Variants in SYCP2 observed in about 807,000 individuals in gnomAD.
SYCP2 encodes the protein synaptonemal complex protein 2, also known as synaptonemal complex lateral element protein.
Under a neutral mutation model 211.3 loss-of-function variants are expected in SYCP2, and 55 were observed. The ratio of observed to expected loss-of-function variants is 0.26; its 90% CI spans 0.21 to 0.33. The LOEUF (loss-of-function observed/expected upper bound fraction) is 0.33. Among genes scored for constraint, SYCP2 ranks in the 10% least tolerant of loss-of-function variants. The probability of loss-of-function intolerance (pLI) is 1.00; values close to 1 mark genes in which losing one functional copy is unlikely to be tolerated. For missense variants in SYCP2, 1,731 were observed against 1,752.0 expected (o/e 0.99, Z 0.21); for synonymous variants, 570 against 555.2 (o/e 1.03, Z -0.37).
At chr20:59,877,887 G>A in intron 32 of SYCP2, 121 bp downstream of exon 32, 1 of 750,348 alleles carries the variant, frequency 1.3e-6, no homozygotes, top group Non-Finnish European at 2.2e-6. Flanking sequence ...GCAAAAGAAG[G>A]AAGAGGTACA....
chr20:59,865,073 T>C, intron 44 of SYCP2, among the ~76,000 whole-genome samples: 1 of 152,012 alleles, frequency 6.6e-6, no homozygotes, highest in East Asian at 1.9e-4. Flanking sequence ...TATTTTCTCC[T>C]TCAGAAGACA....
At chr20:59,898,237 A>G (rs1191686168) in intron 18 of SYCP2, among the ~76,000 whole-genome samples, 1 of 152,254 alleles carries the variant, frequency 6.6e-6, no homozygotes. Context: ...CGAAAGGATT[A>G]TAAATCATTC....
chr20:59,884,364 C>A (rs1168381901), intron 26 of SYCP2, among the ~76,000 whole-genome samples: 1 of 151,714 alleles, frequency 6.6e-6, no homozygotes, highest in African/African-American at 2.4e-5. Flanking sequence ...ATATATTCAA[C>A]CAGATCTCAA....
intron 14 of SYCP2, among the ~76,000 whole-genome samples, 166 bp from the exon 15 acceptor site, chr20:59,907,590 C>T (rs906040207): frequency 6.6e-6 from 1 of 152,104 alleles, no homozygotes; most frequent in Non-Finnish European, 1.5e-5. Context: ...ACATATTACA[C>T]ATGTTATATT....
chr20:59,902,580 A>C (rs1418208159), intron 15 of SYCP2, among the ~76,000 whole-genome samples: 3 of 152,102 alleles, frequency 2.0e-5, no homozygotes, highest in African/African-American at 7.2e-5. Flanking sequence ...AAAGTAGGGA[A>C]ATTTATCTCT....
At chr20:59,930,714 T>C (rs1328125595) in intron 2 of SYCP2, among the ~76,000 whole-genome samples, 1 of 150,852 alleles carries the variant, frequency 6.6e-6, no homozygotes, top group Non-Finnish European at 1.5e-5. Flanking sequence ...AAATGTATTG[T>C]TATAATATTT....
At chr20:59,900,706 T>A in intron 17 of SYCP2, 38 bp downstream of exon 17, 1 of 1,523,558 alleles carries the variant, frequency 6.6e-7, no homozygotes. Flanking sequence ...TGGTTAAACT[T>A]AGCCCAGTGA....
At chr20:59,914,391 T>C (rs2060391924) in intron 10 of SYCP2, 140 bp from the exon 11 acceptor site, 3 of 446,550 alleles carry the variant, frequency 6.7e-6, no homozygotes, top group Non-Finnish European at 7.7e-6. Flanking sequence ...AATATTTTCT[T>C]CATATGGATT....
chr20:59,929,494 TGTCA>T (rs1008465035), intron 2 of SYCP2, among the ~76,000 whole-genome samples: 1 of 152,172 alleles, frequency 6.6e-6, no homozygotes, highest in African/African-American at 2.4e-5. Context: ...AAACTGCCTC[TGTCA>T]GTGTGTTGGG....
At chr20:59,896,602 A>C (rs1459363817) in intron 18 of SYCP2, 74 bp from the exon 19 acceptor site, 1 of 787,734 alleles carries the variant, frequency 1.3e-6, no homozygotes, top group African/African-American at 1.7e-5. Context: ...TTTTACTTAT[A>C]ACATTTTGCC....
rs186583470 is a variant in SYCP2 at position 59,886,697 on chromosome 20, A to C, written c.2492+10T>G. On this transcript the variant is annotated intron_variant, in intron 25 of 44. Transcript: ENST00000357552. ...AGAAAAATATTCATGTCTGAAATTT[A>C]AGAACATACCTGTTAATCAAAGACT... The C allele has an allele frequency of 1.4e-5, 22 of 1,531,164 alleles. No individual in the cohort carries two copies. The East Asian group carries it at 4.9e-4, about 34-fold the overall frequency. The allele number at this position is 1,531,164 out of a possible 1,614,324, so 94.8% of individuals were successfully genotyped here.
At chr20:59,874,153 A>G in intron 34 of SYCP2, 92 bp from the exon 35 acceptor site, 2 of 624,014 alleles carry the variant, frequency 3.2e-6, no homozygotes, top group South Asian at 7.3e-5. Context: ...AAATTCTAAG[A>G]ATTTGTCAGA....
chr20:59,933,526 C>G (rs2060814573), intron 1 of SYCP2, 43 bp downstream of exon 1: 1 of 152,182 alleles, frequency 6.6e-6, no homozygotes, highest in African/African-American at 2.4e-5. Context: ...CCCTCCGCGC[C>G]CCGCCGTGGG....
chr20:59,868,527 C>T lies in SYCP2; in HGVS notation c.3874G>A (p.Asp1292Asn). 1 of 1,610,048 alleles carries T rather than the reference C, an allele frequency of 6.2e-7. No individual in the cohort carries two copies. The highest frequency in any genetic ancestry group is 1.1e-5 in the South Asian group (1 of 90,704). The change falls in exon 38 of 45, where the codon GAT becomes AAT. Residue 1292 changes from aspartate (D) to asparagine (N), a missense_variant. Transcript: ENST00000357552. ...ACTTCATTGGAATTACTTAGATTAT[C>T]TTCTATATATATTCTTTTGCGACTA... ...HLSRKRIYIE[D>N]NLSNSNEVEM...
rs1211630120 is a variant in SYCP2, at chr20:59,892,156, A to G, written c.2198T>C (p.Ile733Thr). ...TFKSVLLNKT[I>T]EESLIYRKKY... ...CTTCCTATATATCAGCGATTCTTCA[A>G]TTGTCTTATTTAGGAGAACCGATTT... is the stretch of plus-strand genomic sequence containing the variant. The change falls in exon 24 of 45, where the codon ATT (isoleucine) becomes ACT (threonine). Residue 733 changes from isoleucine to threonine, a missense_variant. Physicochemically the swap from Ile to Thr is moderately conservative, Grantham distance 89 (BLOSUM62 -1). Coordinates refer to ENST00000357552, the MANE Select transcript of SYCP2 (RefSeq NM_014258.4). 3.1e-6 allele frequency: 5 copies of G among 1,612,386 alleles called. No homozygotes were observed. The highest frequency in any genetic ancestry group is 1.1e-5 in the South Asian group (1 of 90,942).
Position 59,919,512 on chromosome 20 carries a change from T to C in SYCP2, c.383A>G (p.Asp128Gly). The C allele has an allele frequency of 1.3e-6, 2 of 1,599,170 alleles. No individual in the cohort carries two copies. The highest frequency in any genetic ancestry group is 1.7e-6 in the Non-Finnish European group (2 of 1,168,874). ...TTTTACCAGCAGAAGATCAACTAAG[T>C]CTTCTATCATATTTAGAACAGCTTC... ...KDEAVLNMIE[D>G]LVDLLLVIHD... Residue 128 changes from aspartate (D) to glycine (G), a missense_variant, in exon 6 of 45, where the codon GAC (aspartate) becomes GGC (glycine). By Grantham distance (94) the Asp-to-Gly change is moderately conservative (BLOSUM62 -1). Transcript: ENST00000357552.
chr20:59,879,236 A>G (rs535928290), intron 31 of SYCP2, among the ~76,000 whole-genome samples: 40 of 152,104 alleles, frequency 2.6e-4, no homozygotes, highest in African/African-American at 9.1e-4. Context: ...AATATGATCT[A>G]TGTACCAAAT....
chr20:59,910,238 G>A (rs529318093), intron 14 of SYCP2, among the ~76,000 whole-genome samples: 1 of 152,120 alleles, frequency 6.6e-6, no homozygotes, highest in Non-Finnish European at 1.5e-5. Flanking sequence ...TCAGAAGAGA[G>A]AGGATTCTAA....
At chr20:59,915,308 C>A (rs145857614) in intron 9 of SYCP2, 109 bp from the exon 10 acceptor site, 4 of 1,041,132 alleles carry the variant, frequency 3.8e-6, no homozygotes, top group Non-Finnish European at 4.3e-6. Flanking sequence ...TGGCTAATAT[C>A]ATCGACTTTT....
Sources: allele counts gnomAD v4.1 joint callset (sites outside exome capture counted in the v4.1 genomes callset), GRCh38; gene constraint gnomAD v4.1.1; transcripts MANE v1.5; gene names NCBI Gene and HGNC (gene_info 2026-07-23, HGNC 2026-07-21).